METAP2: variants seen among roughly 807,000 people sequenced by gnomAD.
The protein encoded by METAP2 is methionine aminopeptidase 2.
A neutral mutation model predicts 59.4 loss-of-function variants in METAP2; 25 were observed. The observed-to-expected ratio is 0.42, with a 90% confidence interval of 0.31 to 0.59. The LOEUF is 0.59. Ranked by LOEUF, METAP2 falls within the 20% of genes least tolerant of loss-of-function variation. METAP2 has a pLI of 0.16. For missense variants in METAP2, 366 were observed against 581.2 expected, an observed-to-expected ratio of 0.63 and a Z score of 3.81; for synonymous variants, 214 against 194.1, an observed-to-expected ratio of 1.10 and a Z score of -0.85.
At position 95,496,055 on chromosome 12, in the gene METAP2, C is replaced by T. The variant is rs201728792; in HGVS notation, c.824C>T (p.Thr275Met). Reference sequence around the variant, plus strand: ...GTCACTTTTAATCCCAAATATGATACGTTATTAAAAGCTGTAAAAGATGCT... The same window carrying T: ...GTCACTTTTAATCCCAAATATGATATGTTATTAAAAGCTGTAAAAGATGCT... ...FTVTFNPKYD[T>M]LLKAVKDATN... is the part of the protein sequence containing the mutation. Residue 275 changes from threonine (T) to methionine (M), a missense_variant, in exon 7 of 11, where the codon ACG becomes ATG. Transcript: ENST00000323666. 7.9e-5 allele frequency: 126 copies of T among 1,598,976 alleles called. No homozygotes were observed. The highest frequency in any genetic ancestry group is 6.9e-4 in the Admixed American group (41 of 59,738).
chr12:95,515,026 A>G lies in METAP2; in HGVS notation c.*1122A>G, dbSNP rs1399172795. 1 of 152,658 alleles carries G rather than the reference A, an allele frequency of 6.6e-6. No homozygotes were observed. Among genetic ancestry groups the G allele is most frequent in the African/African-American group, 2.4e-5 (1 of 41,466 alleles). 9.5% of individuals were successfully genotyped at this position (152,658 alleles called of 1,614,324 possible). On this transcript the variant is annotated 3_prime_UTR_variant, in exon 11 of 11. Transcript: ENST00000323666. Reference sequence around the variant, plus strand: ...AGGCCCACTACTGATTCTTTGACAAATTGAATTCTTATATTTAAATAATTT... The same window carrying G: ...AGGCCCACTACTGATTCTTTGACAAGTTGAATTCTTATATTTAAATAATTT...
intron 2 of METAP2, among the ~76,000 whole-genome samples, chr12:95,481,425 A>T (rs3850023): frequency 6.6e-6 from 1 of 151,982 alleles, no homozygotes; most frequent in Admixed American, 6.6e-5. Context: ...AAACCAAAAA[A>T]ACCAACCATC....
chr12:95,499,233 C>A (rs1235106999), intron 7 of METAP2, among the ~76,000 whole-genome samples: 3 of 152,076 alleles, frequency 2.0e-5, no homozygotes, highest in Non-Finnish European at 4.4e-5. Flanking sequence ...CCTGTACTTC[C>A]TGGGTTTAAG....
chr12:95,483,095 A>G (rs2076170594), intron 2 of METAP2, 120 bp from the exon 3 acceptor site: 1 of 804,046 alleles, frequency 1.2e-6, no homozygotes, highest in African/African-American at 1.7e-5. Flanking sequence ...TGTAAACAAG[A>G]TAAAATAAAC....
At chr12:95,475,511 A>G (rs548763086) in intron 1 of METAP2, among the ~76,000 whole-genome samples, 2 of 152,316 alleles carry the variant, frequency 1.3e-5, no homozygotes, top group African/African-American at 4.8e-5. Flanking sequence ...GTGCTACCTG[A>G]TACTATTAAT....
chr12:95,511,376 C>CCCTTCTAG (rs1055770922), intron 8 of METAP2, among the ~76,000 whole-genome samples: 1 of 147,968 alleles, frequency 6.8e-6, no homozygotes, highest in Non-Finnish European at 1.5e-5. Context: ...CTTCCATCCT[C>CCCTTCTAG]CCTTCTAGCA....
chr12:95,504,171 T>C lies in METAP2; in HGVS notation c.964+10T>C. On this transcript the variant is annotated intron_variant, in intron 8 of 10. Coordinates refer to ENST00000323666, the MANE Select transcript of METAP2 (RefSeq NM_006838.4). ...GGGAAGACATATCAAGGTATGTTCT[T>C]TTAAAATATATCTTATTTTGAAATT... The C allele has an allele frequency of 6.6e-7, 1 of 1,518,062 alleles. No homozygotes were observed. Among genetic ancestry groups the C allele is most frequent in the Non-Finnish European group, 9.1e-7 (1 of 1,099,356 alleles). 94.0% of individuals were successfully genotyped at this position (1,518,062 alleles called of 1,614,324 possible). A position where few individuals can be genotyped will look rare whatever the true frequency, so the allele number is the denominator to read the frequency against.
chr12:95,499,860 G>A (rs1433545853), intron 7 of METAP2, among the ~76,000 whole-genome samples: 1 of 152,156 alleles, frequency 6.6e-6, no homozygotes, highest in Non-Finnish European at 1.5e-5. Flanking sequence ...TCACATGGCA[G>A]CAGGAGAGAG....
chr12:95,490,615 G>T (rs2076230953), intron 4 of METAP2, among the ~76,000 whole-genome samples: 1 of 143,686 alleles, frequency 7.0e-6, no homozygotes, highest in Non-Finnish European at 1.5e-5. Flanking sequence ...TATTGTCCAG[G>T]CTGGTTTACA....
At position 95,502,276 on chromosome 12, in the gene METAP2, G is replaced by T. The variant is rs202161624; in HGVS notation, c.868-1789G>T. Among the ~76,000 whole-genome samples the T allele has an allele frequency of 5.9e-4, 90 of 152,238 alleles. No individual in the cohort carries two copies. The East Asian group carries it at 0.016, about 26-fold the overall frequency. On this transcript the variant is annotated intron_variant, in intron 7 of 10. Coordinates refer to ENST00000323666, the MANE Select transcript of METAP2 (RefSeq NM_006838.4). ...CCACCTTGGCCTTCCAGCATGCTGG[G>T]ATTACAGACATGAGCCACCACGCCT...
At chr12:95,494,019 G>C in intron 4 of METAP2, 37 bp from the exon 5 acceptor site, 1 of 1,582,006 alleles carries the variant, frequency 6.3e-7, no homozygotes, top group Non-Finnish European at 8.7e-7. Flanking sequence ...TTGTTCTGCT[G>C]TTTTATCACT....
intron 9 of METAP2, among the ~76,000 whole-genome samples, chr12:95,512,557 C>CAA (rs2076411058): frequency 6.6e-6 from 1 of 151,980 alleles, no homozygotes; most frequent in South Asian, 2.1e-4. Context: ...ACTAAAAATA[C>CAA]AAAAATTAGC....
intron 5 of METAP2, 90 bp downstream of exon 5, chr12:95,494,307 CT>C (rs1411384879): frequency 5.7e-6 from 7 of 1,231,124 alleles, no homozygotes; most frequent in Non-Finnish European, 7.8e-6. Flanking sequence ...TTCATTACCA[CT>C]TTGCTAAATC....
intron 2 of METAP2, among the ~76,000 whole-genome samples, chr12:95,482,730 T>A (rs2076168152): frequency 6.6e-6 from 1 of 152,040 alleles, no homozygotes; most frequent in Non-Finnish European, 1.5e-5. Flanking sequence ...AGGCGGAGGT[T>A]GCAGTGAGCT....
intron 7 of METAP2, among the ~76,000 whole-genome samples, chr12:95,500,467 G>A (rs2076307434): frequency 2.0e-5 from 3 of 152,148 alleles, no homozygotes; most frequent in Admixed American, 6.5e-5. Flanking sequence ...ACTTGTTTGT[G>A]ATCTTAGAGG....
chr12:95,512,855 C>A lies in METAP2; in HGVS notation c.1123C>A (p.His375Asn). 1 of 1,612,960 alleles carries A rather than the reference C, an allele frequency of 6.2e-7. No homozygotes were observed. Among genetic ancestry groups the A allele is most frequent in the Non-Finnish European group, 8.5e-7 (1 of 1,179,352 alleles). ...TGGTAGTACAGGAAAAGGTGTTGTT[C>A]ATGATGATATGGAATGTTCACATTA... ...TFGSTGKGVV[H>N]DDMECSHYMK... The change falls in exon 10 of 11, where the codon CAT becomes AAT. Residue 375 changes from histidine (H) to asparagine (N), a missense_variant. By Grantham distance (68) the His-to-Asn change is moderately conservative. Coordinates refer to ENST00000323666, the MANE Select transcript of METAP2 (RefSeq NM_006838.4).
chr12:95,510,255 G>A (rs988928396), intron 8 of METAP2, among the ~76,000 whole-genome samples: 5 of 152,222 alleles, frequency 3.3e-5, no homozygotes, highest in African/African-American at 1.2e-4. Flanking sequence ...AATATTGCCA[G>A]TATTCCAGAA....
chr12:95,477,572 G>C (rs1382590612), intron 2 of METAP2, among the ~76,000 whole-genome samples: 1 of 152,192 alleles, frequency 6.6e-6, no homozygotes, highest in Non-Finnish European at 1.5e-5. Flanking sequence ...TGAAGGAAGA[G>C]ACAGGTAAGA....
intron 7 of METAP2, among the ~76,000 whole-genome samples, chr12:95,496,452 A>G (rs2076275976): frequency 6.6e-6 from 1 of 151,812 alleles, no homozygotes; most frequent in East Asian, 1.9e-4. Flanking sequence ...TTTCCCTTAT[A>G]CCCACCCCTC....
Sources: gnomAD v4.1 joint callset for allele counts (sites outside exome capture counted in the v4.1 genomes callset) on GRCh38, gnomAD v4.1.1 for gene constraint, MANE v1.5 for transcripts, NCBI Gene and HGNC (gene_info 2026-07-23, HGNC 2026-07-21) for gene names.